The following INPP5A variants were observed in gnomAD, a reference collection of about 807,000 sequenced individuals.
INPP5A encodes the protein inositol polyphosphate-5-phosphatase A, also known as 43 kDa inositol polyphosphate 5-phophatase.
INPP5A carries 14 observed loss-of-function variants against 65.2 expected under a neutral mutation model. That is an observed-to-expected ratio of 0.21 (90% CI 0.14 to 0.34). The LOEUF is 0.34. Ranked by LOEUF, INPP5A falls within the 10% of genes least tolerant of loss-of-function variation. The pLI is 1.00. For missense variants in INPP5A, 431 were observed against 545.6 expected (o/e 0.79, Z 2.09); for synonymous variants, 207 against 208.3 (o/e 0.99, Z 0.05).
At chr10:132,624,541 T>C (rs1232905419) in intron 2 of INPP5A, among the ~76,000 whole-genome samples, 3 of 151,596 alleles carry the variant, frequency 2.0e-5, no homozygotes, top group African/African-American at 7.3e-5. Context: ...CACTTCCCAC[T>C]GGCGTGTCTG....
rs748270253 is a variant in INPP5A, at chr10:132,550,793, C to T, written c.75+12622C>T. Among the ~76,000 whole-genome samples, 14 of 152,352 alleles carry T rather than the reference C, an allele frequency of 9.2e-5. No homozygotes were observed. Among genetic ancestry groups the T allele is most frequent in the East Asian group, 5.8e-4 (3 of 5,182 alleles). On this transcript the variant is annotated intron_variant, in intron 1 of 15. Transcript: ENST00000368594. The surrounding 1 kb of genome is among the most constrained non-coding windows in gnomAD (Gnocchi z 4.2). The stretch of plus-strand genomic sequence containing the variant: ...TGTGAGGGGCCATGGTCGCTGACCT[C>T]GCCTCCTGTTGTCTTAGATCCTTGG...
intron 1 of INPP5A, among the ~76,000 whole-genome samples, chr10:132,572,206 T>C (rs1483650296): frequency 2.6e-5 from 4 of 152,166 alleles, no homozygotes; most frequent in African/African-American, 4.8e-5. Context: ...GAGGGACCAT[T>C]GTGATACTCA....
At position 132,678,857 on chromosome 10, in the gene INPP5A, C is replaced by T. The variant is rs2073005498; in HGVS notation, c.307-11535C>T. On this transcript the variant is annotated intron_variant, in intron 4 of 15. Coordinates refer to ENST00000368594, the MANE Select transcript of INPP5A (RefSeq NM_005539.5). The surrounding 1 kb of genome is among the most constrained non-coding windows in gnomAD (Gnocchi z 4.1). ...GGAGGAGGCTGCATTTCCACAGAGACCTGAAGCAGCAGGGGGTCCATGTGA... is the reference window on the plus strand; with the variant it reads ...GGAGGAGGCTGCATTTCCACAGAGATCTGAAGCAGCAGGGGGTCCATGTGA... Among the ~76,000 whole-genome samples the T allele has an allele frequency of 6.6e-6, 1 of 152,174 alleles. No individual in the cohort carries two copies. Among genetic ancestry groups the T allele is most frequent in the Non-Finnish European group, 1.5e-5 (1 of 68,030 alleles).
chr10:132,656,885 G>T (rs575991042), intron 4 of INPP5A, among the ~76,000 whole-genome samples: 2 of 152,342 alleles, frequency 1.3e-5, no homozygotes, highest in African/African-American at 4.8e-5. Context: ...GATGGTGCAT[G>T]TGGGGAACCG....
In INPP5A at chr10:132,674,522, A is replaced by G. The variant is rs2072937215; in HGVS notation, c.307-15870A>G. 6.6e-6 allele frequency among the ~76,000 whole-genome samples: 1 copy of G among 152,150 alleles called. No individual in the cohort carries two copies. The highest frequency in any genetic ancestry group is 1.5e-5 in the Non-Finnish European group (1 of 68,024). ...TTCCTCTGTCAGCTGATCATAGGGAACTTCCCATGAGGCCATCGGTGCAGG... is the reference window on the plus strand; with the variant it reads ...TTCCTCTGTCAGCTGATCATAGGGAGCTTCCCATGAGGCCATCGGTGCAGG... On this transcript the variant is annotated intron_variant, in intron 4 of 15. Transcript: ENST00000368594. This position sits in a 1 kb window ranked among gnomAD's most constrained non-coding sequence, Gnocchi z 4.4.
Position 132,710,410 on chromosome 10 carries a change from G to T in INPP5A, c.601G>T (p.Val201Leu), listed in dbSNP as rs201458514. ...NLVAWETSPS[V>L]YSGIRHKALG... ...GGTCGCCTGGGAAACAAGCCCTTCC[G>T]TGTACTCGGGAATCCGGCACAAGGC... Residue 201 changes from valine to leucine, a missense_variant, in exon 8 of 16, where the codon GTG becomes TTG. Val to Leu is a conservative substitution (Grantham distance 32). Coordinates refer to ENST00000368594, the MANE Select transcript of INPP5A (RefSeq NM_005539.5). The T allele has an allele frequency of 4.3e-6, 7 of 1,614,066 alleles. No homozygotes were observed. Among genetic ancestry groups the T allele is most frequent in the Non-Finnish European group, 5.9e-6 (7 of 1,180,022 alleles).
intron 4 of INPP5A, among the ~76,000 whole-genome samples, chr10:132,687,410 C>G (rs1420723137): frequency 6.6e-6 from 1 of 152,238 alleles, no homozygotes; most frequent in Non-Finnish European, 1.5e-5. Context: ...CAGCAGCTCA[C>G]CAGGGCATGT....
intron 2 of INPP5A, among the ~76,000 whole-genome samples, chr10:132,635,663 G>T (rs966292158): frequency 6.6e-6 from 1 of 151,826 alleles, no homozygotes; most frequent in Non-Finnish European, 1.5e-5. Context: ...CCAAAGTGCT[G>T]GGATTACACG....
intron 12 of INPP5A, 83 bp downstream of exon 12, chr10:132,765,929 C>G: frequency 1.2e-6 from 1 of 813,256 alleles, no homozygotes; most frequent in South Asian, 1.4e-5. Context: ...ATCTGCGTGT[C>G]TGTGTGTGCC....
chr10:132,581,922 C>T (rs1211401146), intron 1 of INPP5A, among the ~76,000 whole-genome samples: 1 of 152,008 alleles, frequency 6.6e-6, no homozygotes, highest in Non-Finnish European at 1.5e-5. Flanking sequence ...ACTGCAAGCT[C>T]TGCCTCCTGG....
At chr10:132,751,060 G>A (rs912676629) in intron 11 of INPP5A, among the ~76,000 whole-genome samples, 1 of 152,208 alleles carries the variant, frequency 6.6e-6, no homozygotes, top group African/African-American at 2.4e-5. Flanking sequence ...CCCAGCGGAC[G>A]CTGCCAGCCC....
chr10:132,774,248 G>A (rs773548154), intron 12 of INPP5A, among the ~76,000 whole-genome samples: 8 of 152,226 alleles, frequency 5.3e-5, no homozygotes, highest in Non-Finnish European at 1.0e-4. Context: ...GTGCCTGCAG[G>A]CTGCACGGGA....
At chr10:132,754,476 A>G (rs777235826) in intron 11 of INPP5A, among the ~76,000 whole-genome samples, 16 of 152,144 alleles carry the variant, frequency 1.1e-4, no homozygotes, top group Non-Finnish European at 1.6e-4. Context: ...GCGAGCACCT[A>G]TGGGCCTGGG....
chr10:132,754,361 C>A (rs1216754097), intron 11 of INPP5A, among the ~76,000 whole-genome samples: 1 of 152,240 alleles, frequency 6.6e-6, no homozygotes, highest in Non-Finnish European at 1.5e-5. Flanking sequence ...GGCCAGGACA[C>A]CTCTGTCAGG....
intron 7 of INPP5A, chr10:132,708,583 C>A: frequency 1.5e-6 from 1 of 681,994 alleles, no homozygotes; most frequent in Non-Finnish European, 2.8e-6. Flanking sequence ...TCTGGGTGCC[C>A]AGTGCCAATG....
intron 12 of INPP5A, among the ~76,000 whole-genome samples, chr10:132,776,992 A>C (rs1400418265): frequency 6.6e-6 from 1 of 152,180 alleles, no homozygotes; most frequent in Non-Finnish European, 1.5e-5. Flanking sequence ...GTGGAGACGC[A>C]ACCAGCAGAC....
chr10:132,641,956 T>C (rs1317862482), intron 2 of INPP5A, among the ~76,000 whole-genome samples: 1 of 152,180 alleles, frequency 6.6e-6, no homozygotes, highest in Non-Finnish European at 1.5e-5. Flanking sequence ...ATGGTCAGGG[T>C]GTGGAGCACA....
intron 11 of INPP5A, 50 bp from the exon 12 acceptor site, chr10:132,765,723 C>T (rs1846830084): frequency 8.9e-7 from 1 of 1,120,584 alleles, no homozygotes; most frequent in East Asian, 2.3e-5. Context: ...CACGTGCCCC[C>T]AGCGAGGAAA....
At chr10:132,749,226 G>T (rs1045606740) in intron 9 of INPP5A, among the ~76,000 whole-genome samples, 2 of 152,268 alleles carry the variant, frequency 1.3e-5, no homozygotes, top group African/African-American at 2.4e-5. Flanking sequence ...CGAGCCTGCT[G>T]GTGTCGCACT....
Sources: allele counts gnomAD v4.1 joint callset (sites outside exome capture counted in the v4.1 genomes callset), GRCh38; gene constraint gnomAD v4.1.1; non-coding constraint Gnocchi (gnomAD v3.1); transcripts MANE v1.5; gene names NCBI Gene and HGNC (gene_info 2026-07-23, HGNC 2026-07-21).